CDH18: variants seen among roughly 807,000 people sequenced by gnomAD.
CDH18 encodes cadherin-18.
A neutral mutation model predicts 67.9 loss-of-function variants in CDH18; 31 were observed. The ratio of observed to expected loss-of-function variants is 0.46; its 90% CI spans 0.34 to 0.62. The LOEUF (loss-of-function observed/expected upper bound fraction) is 0.62, where lower values mean the gene tolerates loss of function less well. Among genes scored for constraint, CDH18 ranks in the 20% least tolerant of loss-of-function variants. CDH18 has a pLI of 0.01. For missense variants in CDH18, 890 were observed against 975.5 expected (o/e 0.91, Z 1.17); for synonymous variants, 362 against 347.2 (o/e 1.04, Z -0.48).
intron 5 of CDH18, among the ~76,000 whole-genome samples, chr5:19,635,869 T>C (rs926979414): frequency 2.0e-5 from 3 of 152,152 alleles, no homozygotes; most frequent in Non-Finnish European, 4.4e-5. Context: ...GTAAGCATCA[T>C]TGGATGTGTT....
At chr5:20,299,358 G>A (rs939176665) in intron 1 of CDH18, among the ~76,000 whole-genome samples, 2 of 150,202 alleles carry the variant, frequency 1.3e-5, no homozygotes, top group Non-Finnish European at 3.0e-5. Flanking sequence ...TAGAAGAGAG[G>A]AGTAGATTTC....
At chr5:19,897,993 TTATGA>T (rs888000129) in intron 2 of CDH18, among the ~76,000 whole-genome samples, 3 of 152,110 alleles carry the variant, frequency 2.0e-5, no homozygotes, top group South Asian at 2.1e-4. Context: ...TGAGTCGTAC[TTATGA>T]TATGTATGCT....
At chr5:20,197,475 G>C (rs1029455179) in intron 2 of CDH18, among the ~76,000 whole-genome samples, 1 of 152,190 alleles carries the variant, frequency 6.6e-6, no homozygotes, top group African/African-American at 2.4e-5. Context: ...TTATACGAAT[G>C]CATGCAAGAA....
At chr5:19,771,484 G>C (rs1026019907) in intron 3 of CDH18, among the ~76,000 whole-genome samples, 2 of 152,116 alleles carry the variant, frequency 1.3e-5, no homozygotes, top group Admixed American at 1.3e-4. Flanking sequence ...GAGACACACA[G>C]GTATCTTGGA....
At chr5:19,911,874 G>C (rs570083908) in intron 2 of CDH18, among the ~76,000 whole-genome samples, 12 of 152,190 alleles carry the variant, frequency 7.9e-5, no homozygotes, top group Non-Finnish European at 1.5e-4. Context: ...TAACTTGCTT[G>C]AGCTTTTGCA....
At chr5:20,352,063 G>A (rs937412773) in intron 1 of CDH18, among the ~76,000 whole-genome samples, 1 of 152,136 alleles carries the variant, frequency 6.6e-6, no homozygotes, top group Non-Finnish European at 1.5e-5. Flanking sequence ...CAAAAAATCT[G>A]CATCAATCAT....
intron 10 of CDH18, among the ~76,000 whole-genome samples, chr5:19,520,355 C>T (rs578085430): frequency 5.3e-5 from 8 of 152,156 alleles, no homozygotes; most frequent in African/African-American, 2.4e-5. Flanking sequence ...GAAACGTTTG[C>T]TATTTCCTCC....
rs180747632 is a variant in CDH18, at chr5:20,547,154, A to C, written c.-580+28308T>G. Among the ~76,000 whole-genome samples, 293 of 152,296 alleles carry C rather than the reference A, an allele frequency of 1.9e-3. 2 individuals are homozygous for C. Among genetic ancestry groups the C allele is most frequent in the African/African-American group, 6.8e-3 (281 of 41,570 alleles). On this transcript the variant is annotated intron_variant, in intron 1 of 14. Transcript: ENST00000507958. ...AACATAAATTTAAATTTACCGATTC[A>C]ATTTATGTTAGAAAGTGAGATTTAA...
chr5:20,298,147 T>A (rs1310874097), intron 1 of CDH18, among the ~76,000 whole-genome samples: 8 of 152,200 alleles, frequency 5.3e-5, no homozygotes, highest in Non-Finnish European at 1.0e-4. Context: ...AACCAAGACC[T>A]TTCTTTAACT....
chr5:20,315,374 C>T (rs1303801185), intron 1 of CDH18, among the ~76,000 whole-genome samples: 2 of 152,060 alleles, frequency 1.3e-5, no homozygotes, highest in East Asian at 3.9e-4. Context: ...TACCTAAAAT[C>T]CATTCTCCAG....
At chr5:19,670,531 A>G (rs1344273583) in intron 5 of CDH18, among the ~76,000 whole-genome samples, 1 of 152,128 alleles carries the variant, frequency 6.6e-6, no homozygotes, top group Non-Finnish European at 1.5e-5. Flanking sequence ...GAGAATATTG[A>G]AGAATTGTTT....
intron 2 of CDH18, among the ~76,000 whole-genome samples, chr5:19,918,173 T>G (rs1046684252): frequency 6.6e-6 from 1 of 152,194 alleles, no homozygotes; most frequent in Admixed American, 6.5e-5. Context: ...ATATACTCTG[T>G]CAAATTATGT....
chr5:19,830,357 G>T (rs955844422), intron 3 of CDH18, among the ~76,000 whole-genome samples: 2 of 151,798 alleles, frequency 1.3e-5, no homozygotes, highest in African/African-American at 2.4e-5. Flanking sequence ...AAGCATCAAA[G>T]AACTCCATTA....
In CDH18 at chr5:19,543,911, C is replaced by T. The variant is rs1211406666; in HGVS notation, c.1348G>A (p.Glu450Lys). ...IRTTKVLDRE[E>K]TPWYNITVTA... The stretch of plus-strand genomic sequence containing the variant: ...ACTGTGATGTTGTACCATGGAGTTT[C>T]TTCTCTGTCGAGAACCTTTGTAGTC... The change falls in exon 9 of 13, where the codon GAA (glutamate) becomes AAA (lysine). Residue 450 changes from glutamate to lysine, a missense_variant. Transcript: ENST00000382275. The T allele has an allele frequency of 5.7e-6, 9 of 1,591,768 alleles. No homozygotes were observed. The highest frequency in any genetic ancestry group is 6.9e-6 in the Non-Finnish European group (8 of 1,165,036).
rs568500936 is a variant in CDH18 at position 20,242,030 on chromosome 5, T to C, written c.-518+13414A>G. Reference sequence around the variant, plus strand: ...CAACACGTGTCAAGTACACATAGGATAAATAAAGGCAAAATTAAAAACAAT... The same window carrying C: ...CAACACGTGTCAAGTACACATAGGACAAATAAAGGCAAAATTAAAAACAAT... On this transcript the variant is annotated intron_variant, in intron 2 of 14. Coordinates refer to the CDH18 transcript ENST00000507958. Among the ~76,000 whole-genome samples the C allele has an allele frequency of 1.3e-3, 202 of 151,480 alleles. 1 individual carries two copies. The highest frequency in any genetic ancestry group is 1.9e-3 in the Non-Finnish European group (129 of 67,846).
At chr5:20,257,308 C>T (rs930044388) in intron 1 of CDH18, among the ~76,000 whole-genome samples, 1 of 151,984 alleles carries the variant, frequency 6.6e-6, no homozygotes, top group African/African-American at 2.4e-5. Context: ...GCAAAGATTT[C>T]CAATAAATAA....
At chr5:20,360,205 G>T (rs963601468) in intron 1 of CDH18, among the ~76,000 whole-genome samples, 2 of 145,750 alleles carry the variant, frequency 1.4e-5, no homozygotes, top group African/African-American at 5.3e-5. Context: ...TAATAACACA[G>T]GCATGAAATA....
intron 6 of CDH18, among the ~76,000 whole-genome samples, chr5:19,606,586 T>C (rs1441549814): frequency 6.6e-6 from 1 of 151,828 alleles, no homozygotes; most frequent in African/African-American, 2.4e-5. Flanking sequence ...GAAGAAAGGA[T>C]TGGTGTACTA....
intron 2 of CDH18, among the ~76,000 whole-genome samples, chr5:20,048,880 T>A (rs1266238133): frequency 6.6e-6 from 1 of 151,696 alleles, no homozygotes; most frequent in Non-Finnish European, 1.5e-5. Context: ...AAATACAACA[T>A]GGATATCAAT....
Sources: gnomAD v4.1 joint callset for allele counts (sites outside exome capture counted in the v4.1 genomes callset) on GRCh38, gnomAD v4.1.1 for gene constraint, MANE v1.5 for transcripts, NCBI Gene and HGNC (gene_info 2026-07-23, HGNC 2026-07-21) for gene names.